Variants in SLC22A25 observed in about 807,000 individuals in gnomAD.
SLC22A25 encodes MGI:2442751, MGI:2385316, MGI:3042283, MGI:3645714, MGI:3605624, MGI:2442750.
SLC22A25 carries 44 observed loss-of-function variants against 45.9 expected under a neutral mutation model. The ratio of observed to expected loss-of-function variants is 0.96; its 90% CI spans 0.75 to 1.23. The LOEUF (loss-of-function observed/expected upper bound fraction) is 1.23. Ranked by LOEUF, SLC22A25 falls within the 50% of genes most tolerant of loss-of-function variation. The pLI is 0.00. For synonymous variants in SLC22A25, 283 were observed against 238.6 expected (o/e 1.19, Z -1.72); for missense variants, 800 against 666.4 (o/e 1.20, Z -2.21).
At chr11:63,211,521 AG>A (rs920901827) in intron 7 of SLC22A25, among the ~76,000 whole-genome samples, 3 of 152,148 alleles carry the variant, frequency 2.0e-5, no homozygotes, top group Non-Finnish European at 4.4e-5. Context: ...TTTGCCTGCC[AG>A]TGGGGGCAAT....
intron 10 of SLC22A25, 119 bp downstream of exon 10, chr11:63,165,925 A>G (rs2087663576): frequency 7.9e-7 from 1 of 1,270,710 alleles, no homozygotes; most frequent in Non-Finnish European, 1.1e-6. Flanking sequence ...GATTTCTATC[A>G]GGGAATCCTG....
chr11:63,231,040 T>C (rs1371426848), intron 3 of SLC22A25, among the ~76,000 whole-genome samples: 1 of 152,176 alleles, frequency 6.6e-6, no homozygotes, highest in African/African-American at 2.4e-5. Flanking sequence ...TTTCTTAATC[T>C]AGTCTATCAT....
chr11:63,236,831 T>C (rs2090172956), intron 3 of SLC22A25, among the ~76,000 whole-genome samples: 1 of 152,188 alleles, frequency 6.6e-6, no homozygotes, highest in Admixed American at 6.5e-5. Context: ...ACTATATGCA[T>C]CTCTGTTTCT....
chr11:63,185,137 AT>A (rs1264120076), intron 7 of SLC22A25, among the ~76,000 whole-genome samples: 5 of 152,174 alleles, frequency 3.3e-5, no homozygotes, highest in African/African-American at 1.2e-4. Flanking sequence ...ATTTTATTTT[AT>A]TTTATTTTTT....
rs1198554740 is a variant in SLC22A25, at chr11:63,217,736, C to G, written c.507-1G>C. On this transcript the variant is annotated splice_acceptor_variant, in intron 5 of 11. Coordinates refer to ENST00000306494, the MANE Select transcript of SLC22A25 (RefSeq NM_199352.6). LOFTEE classifies it high-confidence loss of function. ...TCTGAGCACGAACTTTCTCCCAAAC[C>G]TGAGAAACAGGGGCACATTAGATAA... 6.2e-7 allele frequency: 1 copy of G among 1,601,242 alleles called. No individual in the cohort carries two copies. The highest frequency in any genetic ancestry group is 1.3e-5 in the African/African-American group (1 of 74,186).
chr11:63,161,777 T>C lies in SLC22A25; in HGVS notation c.*2047A>G, dbSNP rs1333784087. Among the ~76,000 whole-genome samples, 1 of 152,208 alleles carries C rather than the reference T, an allele frequency of 6.6e-6. No individual in the cohort carries two copies. Among genetic ancestry groups the C allele is most frequent in the African/African-American group, 2.4e-5 (1 of 41,456 alleles). On this transcript the variant is annotated 3_prime_UTR_variant, in exon 12 of 12. Coordinates refer to ENST00000306494, the MANE Select transcript of SLC22A25 (RefSeq NM_199352.6). ...TAACAGCAGCTTGAAAATGGACTAA[T>C]ACAATGATGCAGTGGAATTGCTGGG...
At chr11:63,242,659 A>T (rs1190866695) in intron 1 of SLC22A25, among the ~76,000 whole-genome samples, 1 of 152,150 alleles carries the variant, frequency 6.6e-6, no homozygotes, top group Non-Finnish European at 1.5e-5. Flanking sequence ...TCCTTTGGCA[A>T]CACCCTCACA....
chr11:63,200,829 G>A (rs1468225818), intron 7 of SLC22A25, among the ~76,000 whole-genome samples: 1 of 152,138 alleles, frequency 6.6e-6, no homozygotes, highest in Non-Finnish European at 1.5e-5. Context: ...CAAAATCAAT[G>A]TGCAAAAATC....
At chr11:63,235,327 G>A (rs1396000792) in intron 3 of SLC22A25, among the ~76,000 whole-genome samples, 3 of 152,148 alleles carry the variant, frequency 2.0e-5, no homozygotes, top group Non-Finnish European at 1.5e-5. Flanking sequence ...ATATTTCTTG[G>A]AGGCTTTGTT....
At chr11:63,182,841 G>T (rs1254296270) in intron 8 of SLC22A25, among the ~76,000 whole-genome samples, 2 of 152,126 alleles carry the variant, frequency 1.3e-5, no homozygotes, top group East Asian at 3.9e-4. Flanking sequence ...CTAGCTCCTA[G>T]TCCTCTCCTG....
chr11:63,167,999 C>T, intron 9 of SLC22A25: 1 of 372,278 alleles, frequency 2.7e-6, no homozygotes, highest in Non-Finnish European at 5.4e-6. Flanking sequence ...GTTCTGCAAC[C>T]TCCGCTGGTG....
rs938057818 is a variant in SLC22A25 at position 63,166,066 on chromosome 11, C to T, written c.1263G>A (p.Leu421=). The T allele has an allele frequency of 1.2e-6, 2 of 1,613,888 alleles. No homozygotes were observed. Among genetic ancestry groups the T allele is most frequent in the South Asian group, 2.2e-5 (2 of 91,066 alleles). Residue 421 remains leucine, a synonymous_variant, in exon 10 of 12, where the codon CTG becomes CTA. Coordinates refer to ENST00000306494, the MANE Select transcript of SLC22A25 (RefSeq NM_199352.6). ...LLMFLLATCL[L]AIIFVPQEMQ... ...CACCTTGAGGCACAAATATGATGGC[C>T]AGAAGGCAGGTTGCCAGTAGGAACA...
At chr11:63,180,387 T>C (rs1460752518) in intron 9 of SLC22A25, among the ~76,000 whole-genome samples, 1 of 152,172 alleles carries the variant, frequency 6.6e-6, no homozygotes, top group Non-Finnish European at 1.5e-5. Context: ...TGAAGAAACT[T>C]TGAGTCTAAA....
At chr11:63,237,853 T>A (rs563376585) in intron 3 of SLC22A25, 28 bp downstream of exon 3, 1 of 152,288 alleles carries the variant, frequency 6.6e-6, no homozygotes, top group East Asian at 1.9e-4. Context: ...AATGAATAAA[T>A]ATTTAATCAG....
At position 63,185,233 on chromosome 11, in the gene SLC22A25, C is replaced by T. The variant is rs577826467; in HGVS notation, c.831-1416G>A. Among the ~76,000 whole-genome samples, 73 of 151,936 alleles carry T rather than the reference C, an allele frequency of 4.8e-4. No homozygotes were observed. In the East Asian group the frequency reaches 0.012, roughly 25 times the overall value. ...ACATGTGCCATGTTGGTGTGCTGCA[C>T]CCATTAACTCGTCATTTAACATTAG... On this transcript the variant is annotated intron_variant, in intron 7 of 11. Coordinates refer to ENST00000306494, the MANE Select transcript of SLC22A25 (RefSeq NM_199352.6).
Position 63,159,832 on chromosome 11 carries a change from G to T in SLC22A25, c.*3992C>A, listed in dbSNP as rs2087519980. ...GGAAAATGAAATCCAGGCTGAGGTGGTCTCAGATGAAGATGAAGAACTTGT... is the reference window on the plus strand; with the variant it reads ...GGAAAATGAAATCCAGGCTGAGGTGTTCTCAGATGAAGATGAAGAACTTGT... On this transcript the variant is annotated 3_prime_UTR_variant, in exon 12 of 12. Transcript: ENST00000306494. Among the ~76,000 whole-genome samples, 1 of 152,180 alleles carries T rather than the reference G, an allele frequency of 6.6e-6. No homozygotes were observed.
chr11:63,189,404 T>G (rs977631438), intron 7 of SLC22A25, among the ~76,000 whole-genome samples: 7 of 152,204 alleles, frequency 4.6e-5, no homozygotes, highest in Non-Finnish European at 1.0e-4. Flanking sequence ...TTGGTAGATC[T>G]TCCTCCATCC....
At chr11:63,180,616 G>T (rs527338315) in intron 9 of SLC22A25, 44 bp downstream of exon 9, 2 of 1,326,274 alleles carry the variant, frequency 1.5e-6, no homozygotes, top group Non-Finnish European at 2.1e-6. Context: ...ATGGATTTAT[G>T]TCTCCTCTAT....
Position 63,229,684 on chromosome 11 carries a change from C to CA in SLC22A25, c.-33dup. 4.4e-6 allele frequency: 7 copies of CA among 1,579,332 alleles called. No individual in the cohort carries two copies. Among genetic ancestry groups the CA allele is most frequent in the African/African-American group, 1.4e-5 (1 of 74,038 alleles). ...TGGACAAGTGATCCCCAAGAGGAGACAAAATGACTGTATCCAGATAAGTTC... is the reference window on the plus strand; with the variant it reads ...TGGACAAGTGATCCCCAAGAGGAGACAAAAATGACTGTATCCAGATAAGTTC... On this transcript the variant is annotated 5_prime_UTR_variant, in exon 4 of 12. Transcript: ENST00000306494.
Sources: gnomAD v4.1 joint callset for allele counts (sites outside exome capture counted in the v4.1 genomes callset) on GRCh38, gnomAD v4.1.1 for gene constraint, MANE v1.5 for transcripts, NCBI Gene and HGNC (gene_info 2026-07-23, HGNC 2026-07-21) for gene names.